Variants in GRAMD2B observed in about 807,000 individuals in gnomAD.
The protein encoded by GRAMD2B is GRAM domain-containing protein 2B.
GRAMD2B carries 41 observed loss-of-function variants against 59.2 expected under a neutral mutation model. That is an observed-to-expected ratio of 0.69 (90% CI 0.54 to 0.90). The LOEUF (loss-of-function observed/expected upper bound fraction) is 0.90, where lower values mean the gene tolerates loss of function less well. GRAMD2B is among the 40% of genes least tolerant of loss of function. The pLI, the probability that GRAMD2B is intolerant of heterozygous loss-of-function variation, is 0.00. For missense variants in GRAMD2B, 424 were observed against 500.5 expected, an observed-to-expected ratio of 0.85 and a Z score of 1.46; for synonymous variants, 161 against 182.7, an observed-to-expected ratio of 0.88 and a Z score of 0.96.
At chr5:126,368,328 G>T (rs1754563112), upstream of GRAMD2B, among the ~76,000 whole-genome samples, 2 of 152,372 alleles carry the variant, frequency 1.3e-5, no homozygotes, top group East Asian at 3.9e-4. Flanking sequence ...GGCTCAGGCA[G>T]TGGCTGTGGA....
At chr5:126,431,464 G>C (rs1050489454) in intron 1 of GRAMD2B, among the ~76,000 whole-genome samples, 1 of 152,206 alleles carries the variant, frequency 6.6e-6, no homozygotes, top group African/African-American at 2.4e-5. Context: ...GACCCCCAGT[G>C]TTAAACAGAG....
chr5:126,367,713 T>C (rs1754525629), upstream of GRAMD2B, among the ~76,000 whole-genome samples: 1 of 152,212 alleles, frequency 6.6e-6, no homozygotes, highest in African/African-American at 2.4e-5. Context: ...TTTGTAGGGC[T>C]TAAGCAAAGA....
At chr5:126,411,317 A>T (rs7711813) in intron 1 of GRAMD2B, among the ~76,000 whole-genome samples, 9,225 of 152,226 alleles carry the variant, frequency 0.061, 338 homozygotes, top group African/African-American at 0.1. Flanking sequence ...ATTCTTCTGC[A>T]TATGGCTAGC....
At chr5:126,467,156 G>A (rs566850393) in intron 2 of GRAMD2B, among the ~76,000 whole-genome samples, 107 of 152,214 alleles carry the variant, frequency 7.0e-4, no homozygotes, top group Admixed American at 3.9e-3. Flanking sequence ...GGGTGTGGTA[G>A]TGCATGCACT....
chr5:126,450,316 G>A (rs1199042206), intron 1 of GRAMD2B, among the ~76,000 whole-genome samples: 4 of 151,986 alleles, frequency 2.6e-5, no homozygotes, highest in Non-Finnish European at 5.9e-5. Flanking sequence ...AACCTAAAAG[G>A]TTATTGCACT....
intron 12 of GRAMD2B, 102 bp downstream of exon 12, chr5:126,487,079 A>C (rs1407458732): frequency 1.5e-6 from 1 of 680,250 alleles, no homozygotes; most frequent in Non-Finnish European, 2.7e-6. Context: ...TTGGAGATAC[A>C]TTCTGTATGT....
At chr5:126,369,196 AT>A (rs1231008878), upstream of GRAMD2B, among the ~76,000 whole-genome samples, 1 of 152,170 alleles carries the variant, frequency 6.6e-6, no homozygotes, top group African/African-American at 2.4e-5. Context: ...CACATTTTCC[AT>A]TAGACTTTTA....
intron 13 of GRAMD2B, among the ~76,000 whole-genome samples, chr5:126,491,200 T>A (rs917580752): frequency 1.3e-5 from 2 of 152,214 alleles, no homozygotes; most frequent in African/African-American, 4.8e-5. Context: ...TTTTGTGGAT[T>A]TGGGATGTCA....
intron 1 of GRAMD2B, among the ~76,000 whole-genome samples, chr5:126,431,485 T>C (rs926814233): frequency 6.6e-6 from 1 of 152,232 alleles, no homozygotes; most frequent in African/African-American, 2.4e-5. Context: ...GAATTGTGAC[T>C]GAGCCATCCT....
intron 1 of GRAMD2B, among the ~76,000 whole-genome samples, chr5:126,461,116 G>A (rs892064328): frequency 6.6e-6 from 1 of 152,102 alleles, no homozygotes; most frequent in Admixed American, 6.5e-5. Flanking sequence ...TGAAACACTT[G>A]TTTTCCTTCA....
intron 1 of GRAMD2B, among the ~76,000 whole-genome samples, chr5:126,393,785 G>A (rs192909449): frequency 1.9e-3 from 286 of 152,036 alleles, no homozygotes; most frequent in African/African-American, 6.7e-3. Flanking sequence ...ATGTTTCCTC[G>A]AAAAAAATGA....
chr5:126,484,654 G>T lies in GRAMD2B; in HGVS notation c.970+130G>T, dbSNP rs570072321. On this transcript the variant is annotated intron_variant, in intron 10 of 13. Coordinates refer to ENST00000285689, the MANE Select transcript of GRAMD2B (RefSeq NM_023927.4). ...GCTGTAGTGCAATAACATGATCTTGGCTCACTGCAACCTCTGCCTCTTGGA... is the reference window on the plus strand; with the variant it reads ...GCTGTAGTGCAATAACATGATCTTGTCTCACTGCAACCTCTGCCTCTTGGA... 6.9e-6 allele frequency: 6 copies of T among 869,138 alleles called. No individual in the cohort carries two copies. The Admixed American group carries it at 2.0e-4, about 28-fold the overall frequency. 53.8% of individuals were successfully genotyped at this position (869,138 alleles called of 1,614,324 possible). A position where few individuals can be genotyped will look rare whatever the true frequency, so the allele number is the denominator to read the frequency against.
intron 1 of GRAMD2B, 199 bp from the exon 2 acceptor site, chr5:126,465,227 C>A (rs1768086651): frequency 1.4e-6 from 2 of 1,424,580 alleles, no homozygotes; most frequent in Admixed American, 5.8e-5. Context: ...ACAGGTGCGA[C>A]CTGCAGCTAC....
intron 1 of GRAMD2B, among the ~76,000 whole-genome samples, chr5:126,408,069 C>T (rs547250048): frequency 4.6e-5 from 7 of 151,994 alleles, no homozygotes; most frequent in Non-Finnish European, 1.0e-4. Flanking sequence ...TGAGCATAGT[C>T]CCCAGAGGTT....
At chr5:126,409,935 T>TAGGGAATCCTTTCCCC (rs1554075343) in intron 1 of GRAMD2B, among the ~76,000 whole-genome samples, 1 of 141,456 alleles carries the variant, frequency 7.1e-6, no homozygotes, top group Non-Finnish European at 1.6e-5. Flanking sequence ...GCACCATTTA[T>TAGGGAATCCTTTCCCC]TAAATAGGGA....
At chr5:126,472,618 G>A (rs1769830764) in intron 4 of GRAMD2B, among the ~76,000 whole-genome samples, 2 of 151,972 alleles carry the variant, frequency 1.3e-5, no homozygotes, top group Non-Finnish European at 2.9e-5. Flanking sequence ...AACAAGCCTG[G>A]GGCAAGAGAG....
intron 1 of GRAMD2B, among the ~76,000 whole-genome samples, chr5:126,446,385 T>C (rs546161834): frequency 3.3e-4 from 50 of 152,274 alleles, no homozygotes; most frequent in Non-Finnish European, 5.6e-4. Flanking sequence ...AAAATGTTCA[T>C]AGTAAGTGGT....
Position 126,371,556 on chromosome 5 carries a change from G to A in GRAMD2B, c.114G>A (p.Ser38=), listed in dbSNP as rs35148783. ...GCAGCTCCACAGACAGCCCCAGCTC[G>A]GTGTTCCTCAGGTGGGTACAGCCTG... Residue 38 remains serine (S), a synonymous_variant, in exon 1 of 9, where the codon TCG becomes TCA. Coordinates refer to the GRAMD2B transcript ENST00000506445. 2.0e-3 allele frequency: 2,525 copies of A among 1,288,622 alleles called. 2 individuals carry two copies. Among genetic ancestry groups the A allele is most frequent in the Non-Finnish European group, 2.4e-3 (2,370 of 988,508 alleles). The allele number at this position is 1,288,622 out of a possible 1,614,324, so 79.8% of individuals were successfully genotyped here. A position where few individuals can be genotyped will look rare whatever the true frequency, so the allele number is the denominator to read the frequency against.
In GRAMD2B at chr5:126,391,319, C is replaced by CAAAAAAAAAAAAAAAAAAAAAAAA. The variant is rs61181985; in HGVS notation, c.125+19773_125+19774insAAAAAAAAAAAAAAAAAAAAAAAA. Among the ~76,000 whole-genome samples the CAAAAAAAAAAAAAAAAAAAAAAAA allele has an allele frequency of 2.1e-3, 157 of 76,288 alleles. 11 individuals carry two copies. Among genetic ancestry groups the CAAAAAAAAAAAAAAAAAAAAAAAA allele is most frequent in the Admixed American group, 3.6e-3 (22 of 6,062 alleles). 50.0% of individuals were successfully genotyped at this position (76,288 alleles called of 152,430 possible). On this transcript the variant is annotated intron_variant, in intron 1 of 8. Coordinates refer to the GRAMD2B transcript ENST00000506445. The stretch of plus-strand genomic sequence containing the variant: ...TGGGCAAGAGAGGGAGACTCCATCT[C>CAAAAAAAAAAAAAAAAAAAAAAAA]AAAAAAAAAAAAAAAAAAAAACTTG...
Sources: allele counts gnomAD v4.1 joint callset (sites outside exome capture counted in the v4.1 genomes callset), GRCh38; gene constraint gnomAD v4.1.1; transcripts MANE v1.5; gene names NCBI Gene and HGNC (gene_info 2026-07-23, HGNC 2026-07-21).